DCBLD1: variants seen among roughly 807,000 people sequenced by gnomAD.
The protein encoded by DCBLD1 is discoidin, CUB and LCCL domain containing 1.
In DCBLD1, 57 loss-of-function variants were observed where a neutral mutation model predicts 71.5. The ratio of observed to expected loss-of-function variants is 0.80; its 90% CI spans 0.64 to 0.99. The LOEUF (loss-of-function observed/expected upper bound fraction) is 0.99. Ranked by LOEUF, DCBLD1 falls within the 50% of genes least tolerant of loss-of-function variation. The pLI, the probability that DCBLD1 is intolerant of heterozygous loss-of-function variation, is 0.00. For synonymous variants in DCBLD1, 380 were observed against 363.8 expected (o/e 1.04, Z -0.51); for missense variants, 891 against 923.5 (o/e 0.96, Z 0.46).
intron 6 of DCBLD1, among the ~76,000 whole-genome samples, chr6:117,534,552 T>C (rs17575449): frequency 6.6e-6 from 1 of 152,190 alleles, no homozygotes; most frequent in Non-Finnish European, 1.5e-5. Flanking sequence ...GCTCTCAATC[T>C]GTTTTTTGGA....
intron 14 of DCBLD1, 52 bp downstream of exon 14, chr6:117,545,649 G>T (rs12181303): frequency 5.1e-5 from 80 of 1,573,862 alleles, no homozygotes; most frequent in Non-Finnish European, 6.8e-5. Context: ...TGCTGCTTGT[G>T]GGGGAGGGAG....
rs1776941207 is a variant in DCBLD1, at chr6:117,482,901, G to A, written c.112+8G>A. Reference sequence around the variant, plus strand: ...TGCAGGCGGAGGAGCTGGGTGAGTGGAGCGCGTCCGGCTGGCGGCGGGACC... The same window carrying A: ...TGCAGGCGGAGGAGCTGGGTGAGTGAAGCGCGTCCGGCTGGCGGCGGGACC... On this transcript the variant is annotated splice_region_variant and intron_variant, in intron 1 of 14. Transcript: ENST00000338728. 5 of 1,192,184 alleles carry A rather than the reference G, an allele frequency of 4.2e-6. No individual in the cohort carries two copies. The highest frequency in any genetic ancestry group is 4.2e-6 in the Non-Finnish European group (4 of 960,304). The allele number at this position is 1,192,184 out of a possible 1,614,324, so 73.9% of individuals were successfully genotyped here.
At chr6:117,501,808 C>T (rs887288419) in intron 1 of DCBLD1, among the ~76,000 whole-genome samples, 1 of 152,178 alleles carries the variant, frequency 6.6e-6, no homozygotes, top group Admixed American at 6.5e-5. Flanking sequence ...TACCAACTGC[C>T]AGGGAGCCCA....
chr6:117,502,654 G>T (rs1777703289), intron 1 of DCBLD1, among the ~76,000 whole-genome samples: 1 of 152,150 alleles, frequency 6.6e-6, no homozygotes, highest in South Asian at 2.1e-4. Context: ...ACTTTGGGAT[G>T]GAGAGGCCTT....
At chr6:117,512,161 A>G (rs1433994752) in intron 2 of DCBLD1, among the ~76,000 whole-genome samples, 1 of 152,188 alleles carries the variant, frequency 6.6e-6, no homozygotes, top group Non-Finnish European at 1.5e-5. Flanking sequence ...AGTAATTGCC[A>G]TCTTTCATTG....
intron 6 of DCBLD1, among the ~76,000 whole-genome samples, chr6:117,536,582 C>G (rs1325400403): frequency 1.3e-5 from 2 of 152,188 alleles, no homozygotes; most frequent in Non-Finnish European, 2.9e-5. Flanking sequence ...CCTTGTCATC[C>G]AGAAGCAGGA....
chr6:117,540,328 T>C (rs1437335873), intron 9 of DCBLD1: 1 of 209,826 alleles, frequency 4.8e-6, no homozygotes, highest in Non-Finnish European at 9.7e-6. Context: ...CGGAAGGAAA[T>C]GGCAAAAGTG....
Position 117,525,401 on chromosome 6 carries a change from C to G in DCBLD1, c.552C>G (p.Asp184Glu). ...CPAGCRDVAG[D>E]ISGNMVDGYR... ...CTGGTTGTAGAGACGTAGCAGGAGA[C>G]ATTTCTGGGAATATGGTAGATGGAT... The change falls in exon 5 of 15, where the codon GAC (aspartate) becomes GAG (glutamate). Residue 184 changes from aspartate (D) to glutamate (E), a missense_variant. Asp to Glu is a conservative substitution (Grantham distance 45). Coordinates refer to ENST00000338728, the MANE Select transcript of DCBLD1 (RefSeq NM_001366458.2). 6.6e-7 allele frequency: 1 copy of G among 1,516,720 alleles called. No homozygotes were observed. Among genetic ancestry groups the G allele is most frequent in the South Asian group, 1.4e-5 (1 of 71,222 alleles). 94.0% of individuals were successfully genotyped at this position (1,516,720 alleles called of 1,614,324 possible). A position where few individuals can be genotyped will look rare whatever the true frequency, so the allele number is the denominator to read the frequency against.
Position 117,548,227 on chromosome 6 carries a change from G to A in DCBLD1, c.1936G>A (p.Gly646Ser). ...SGGFSPVAGV[G>S]AQDGDYQRPH... ...CGGCTTCTCCCCCGTAGCGGGTGTG[G>A]GCGCCCAGGACGGAGACTATCAAAG... The change falls in exon 15 of 15, where the codon GGC becomes AGC. Residue 646 changes from glycine (G) to serine (S), a missense_variant. Coordinates refer to ENST00000338728, the MANE Select transcript of DCBLD1 (RefSeq NM_001366458.2). The A allele has an allele frequency of 6.4e-7, 1 of 1,550,580 alleles. No homozygotes were observed. The highest frequency in any genetic ancestry group is 8.7e-7 in the Non-Finnish European group (1 of 1,146,972).
chr6:117,497,861 A>G (rs1179716970), intron 1 of DCBLD1, among the ~76,000 whole-genome samples: 1 of 152,176 alleles, frequency 6.6e-6, no homozygotes, highest in Non-Finnish European at 1.5e-5. Flanking sequence ...CTTTATATGT[A>G]TTCATATTAT....
chr6:117,557,569 G>C (rs1011305890), intron 14 of DCBLD1, among the ~76,000 whole-genome samples: 1 of 152,108 alleles, frequency 6.6e-6, no homozygotes, highest in Non-Finnish European at 1.5e-5. Flanking sequence ...TTCAAGACCA[G>C]CCTGGCCAAC....
At chr6:117,496,614 G>T (rs1438312108) in intron 1 of DCBLD1, among the ~76,000 whole-genome samples, 2 of 152,138 alleles carry the variant, frequency 1.3e-5, no homozygotes, top group Non-Finnish European at 2.9e-5. Flanking sequence ...ACCCACACAT[G>T]GATGATTGTA....
intron 1 of DCBLD1, among the ~76,000 whole-genome samples, chr6:117,501,605 T>C (rs748588709): frequency 6.6e-6 from 1 of 152,228 alleles, no homozygotes; most frequent in Non-Finnish European, 1.5e-5. Flanking sequence ...AATGCTGGAA[T>C]TACAGGCATG....
chr6:117,542,808 G>T (rs1779144023), intron 11 of DCBLD1, among the ~76,000 whole-genome samples: 1 of 151,884 alleles, frequency 6.6e-6, no homozygotes, highest in Non-Finnish European at 1.5e-5. Flanking sequence ...TGGGGGAGGG[G>T]TTAAACTCTC....
intron 2 of DCBLD1, among the ~76,000 whole-genome samples, chr6:117,509,537 C>T (rs1777946859): frequency 6.6e-6 from 1 of 152,174 alleles, no homozygotes; most frequent in African/African-American, 2.4e-5. Flanking sequence ...ATAGTAAGCA[C>T]TTAGTCAACG....
chr6:117,525,644 A>C (rs1237142457), intron 5 of DCBLD1, among the ~76,000 whole-genome samples: 1 of 152,194 alleles, frequency 6.6e-6, no homozygotes, highest in Admixed American at 6.5e-5. Flanking sequence ...GCTTACTATA[A>C]ATGAAATGAA....
At chr6:117,524,685 A>G (rs1778490972) in intron 4 of DCBLD1, among the ~76,000 whole-genome samples, 1 of 152,194 alleles carries the variant, frequency 6.6e-6, no homozygotes, top group Non-Finnish European at 1.5e-5. Flanking sequence ...TGGAAGTTAA[A>G]TCAAAAAAAG....
Position 117,515,264 on chromosome 6 carries a change from C to T in DCBLD1, c.326-4552C>T, listed in dbSNP as rs12527189. 7.2e-5 allele frequency among the ~76,000 whole-genome samples: 11 copies of T among 152,064 alleles called. No homozygotes were observed. The East Asian group carries it at 9.7e-4, about 13-fold the overall frequency. On this transcript the variant is annotated intron_variant, in intron 2 of 14. Transcript: ENST00000338728. ...TCTCGAACTCCTGACCTCCTGACTC[C>T]GCTCACCTTGGCCTCCCACAGTGCT...
intron 1 of DCBLD1, among the ~76,000 whole-genome samples, chr6:117,502,450 CTTTTTCT>C (rs1157911692): frequency 2.0e-5 from 3 of 152,126 alleles, no homozygotes; most frequent in Non-Finnish European, 4.4e-5. Flanking sequence ...GTTTTCAAAT[CTTTTTCT>C]TTTTTCTTTT....
Sources: gnomAD v4.1 joint callset for allele counts (sites outside exome capture counted in the v4.1 genomes callset) on GRCh38, gnomAD v4.1.1 for gene constraint, MANE v1.5 for transcripts, NCBI Gene and HGNC (gene_info 2026-07-23, HGNC 2026-07-21) for gene names.